BRWD1: variants seen among roughly 807,000 people sequenced by gnomAD.
BRWD1 encodes bromodomain and WD repeat-containing protein 1.
A neutral mutation model predicts 251.2 loss-of-function variants in BRWD1; 82 were observed. That is an observed-to-expected ratio of 0.33 (90% CI 0.27 to 0.39). BRWD1 has a LOEUF of 0.39. BRWD1 is among the 10% of genes least tolerant of loss of function. The pLI is 1.00. For missense variants in BRWD1, 2,233 were observed against 2,711.6 expected, an observed-to-expected ratio of 0.82 and a Z score of 3.92; for synonymous variants, 918 against 902.8, an observed-to-expected ratio of 1.02 and a Z score of -0.30.
Position 39,215,223 on chromosome 21 carries a change from A to G in BRWD1, c.3785+14T>C. On this transcript the variant is annotated intron_variant, in intron 32 of 40. Coordinates refer to ENST00000342449, the MANE Select transcript of BRWD1 (RefSeq NM_033656.4). ...ATGCAGTCACTTTTACACAACATCT[A>G]TGAAATTACTTACTTGATAAATTTT... The G allele has an allele frequency of 6.2e-7, 1 of 1,608,874 alleles. No individual in the cohort carries two copies. The highest frequency in any genetic ancestry group is 8.5e-7 in the Non-Finnish European group (1 of 1,175,682).
chr21:39,304,928 G>C (rs1388849016), intron 4 of BRWD1, among the ~76,000 whole-genome samples: 3 of 147,826 alleles, frequency 2.0e-5, no homozygotes, highest in Non-Finnish European at 1.5e-5. Context: ...AGGACAAAAA[G>C]AGCAACAAAT....
rs773600796 is a variant in BRWD1, at chr21:39,213,505, A to G, written c.3834T>C (p.Asn1278=). 1.9e-6 allele frequency: 3 copies of G among 1,611,894 alleles called. No individual in the cohort carries two copies. The highest frequency in any genetic ancestry group is 2.2e-5 in the South Asian group (2 of 90,504). Reference sequence around the variant, plus strand: ...CCAAATCCTCAGCATTTTGCTCATCATTTTCAGATGTGTTAGAAAGTTCTG... The same window carrying G: ...CCAAATCCTCAGCATTTTGCTCATCGTTTTCAGATGTGTTAGAAAGTTCTG... ...NISELSNTSE[N]DEQNAEDLDD... The change falls in exon 33 of 41, where the codon AAT becomes AAC. Residue 1278 remains asparagine (N), a synonymous_variant. Coordinates refer to ENST00000342449, the MANE Select transcript of BRWD1 (RefSeq NM_033656.4).
intron 15 of BRWD1, among the ~76,000 whole-genome samples, chr21:39,268,940 A>G (rs951820589): frequency 1.3e-5 from 2 of 152,102 alleles, no homozygotes; most frequent in Non-Finnish European, 1.5e-5. Flanking sequence ...GTGAGTTGAG[A>G]TTGCGCCACT....
chr21:39,189,341 T>A lies in BRWD1; in HGVS notation c.*6918A>T. 2 of 985,236 alleles carry A rather than the reference T, an allele frequency of 2.0e-6. No individual in the cohort carries two copies. Among genetic ancestry groups the A allele is most frequent in the Non-Finnish European group, 2.4e-6 (2 of 829,760 alleles). 61.0% of individuals were successfully genotyped at this position (985,236 alleles called of 1,614,324 possible). A position where few individuals can be genotyped will look rare whatever the true frequency, so the allele number is the denominator to read the frequency against. On this transcript the variant is annotated 3_prime_UTR_variant, in exon 41 of 41. Transcript: ENST00000342449. ...TCAACTACAATTTGTAACAAAATGC[T>A]TTAAGTTGCAGAAATTCCATTTTGA...
At chr21:39,296,038 T>A in intron 6 of BRWD1, 135 bp from the exon 7 acceptor site, 1 of 747,334 alleles carries the variant, frequency 1.3e-6, no homozygotes. Flanking sequence ...TTCTTCCCAA[T>A]TCTATTCTTC....
chr21:39,200,192 C>T, intron 39 of BRWD1, 27 bp downstream of exon 39: 1 of 1,575,152 alleles, frequency 6.3e-7, no homozygotes, highest in Non-Finnish European at 8.6e-7. Context: ...GATATACATT[C>T]CATAAAAGTA....
intron 4 of BRWD1, among the ~76,000 whole-genome samples, chr21:39,309,614 G>A (rs1284415079): frequency 6.6e-6 from 1 of 151,478 alleles, no homozygotes; most frequent in African/African-American, 2.4e-5. Flanking sequence ...CATGAGGTCA[G>A]GAGATCGAGA....
Position 39,196,292 on chromosome 21 carries a change from T to C in BRWD1, c.6777A>G (p.Glu2259=). Residue 2259 remains glutamate, a synonymous_variant, in exon 41 of 41, where the codon GAA becomes GAG. Coordinates refer to ENST00000342449, the MANE Select transcript of BRWD1 (RefSeq NM_033656.4). ...YHDGDDDRSL[E]NVLDFNGCTL Reference sequence around the variant, plus strand: ...TGCAACCATTGAAATCTAACACATTTTCTAAACTTCTGTCATCATCCCCAT... The same window carrying C: ...TGCAACCATTGAAATCTAACACATTCTCTAAACTTCTGTCATCATCCCCAT... The C allele has an allele frequency of 6.2e-7, 1 of 1,607,758 alleles. No homozygotes were observed. The highest frequency in any genetic ancestry group is 8.5e-7 in the Non-Finnish European group (1 of 1,177,162).
chr21:39,304,470 C>T (rs779292289), intron 4 of BRWD1, among the ~76,000 whole-genome samples: 1 of 151,738 alleles, frequency 6.6e-6, no homozygotes, highest in Non-Finnish European at 1.5e-5. Context: ...TTTAATTAGC[C>T]GGCCATGATG....
At position 39,189,764 on chromosome 21, in the gene BRWD1, A is replaced by C. The variant is rs2031448146; in HGVS notation, c.*6495T>G. 1 of 983,712 alleles carries C rather than the reference A, an allele frequency of 1.0e-6. No individual in the cohort carries two copies. The highest frequency in any genetic ancestry group is 1.2e-6 in the Non-Finnish European group (1 of 828,386). 60.9% of individuals were successfully genotyped at this position (983,712 alleles called of 1,614,324 possible). A position where few individuals can be genotyped will look rare whatever the true frequency, so the allele number is the denominator to read the frequency against. Reference sequence around the variant, plus strand: ...TAAAGTGCTTTTTCTCAAGAAAACTACAAACAGTTTTAGAAATATATATAG... The same window carrying C: ...TAAAGTGCTTTTTCTCAAGAAAACTCCAAACAGTTTTAGAAATATATATAG... On this transcript the variant is annotated 3_prime_UTR_variant, in exon 41 of 41. Transcript: ENST00000342449.
chr21:39,198,627 A>C (rs1568855322), intron 40 of BRWD1, 136 bp downstream of exon 40: 1 of 669,112 alleles, frequency 1.5e-6, no homozygotes, highest in Non-Finnish European at 2.5e-6. Flanking sequence ...GCTAACACAG[A>C]ATGCATGGGA....
At chr21:39,268,998 G>GAA (rs1284152536) in intron 15 of BRWD1, among the ~76,000 whole-genome samples, 3 of 151,218 alleles carry the variant, frequency 2.0e-5, no homozygotes, top group Non-Finnish European at 4.4e-5. Context: ...AAAAAGAAAA[G>GAA]AAAAAGAAAA....
At chr21:39,320,451 C>G (rs146905435) in intron 1 of BRWD1, among the ~76,000 whole-genome samples, 96 of 152,280 alleles carry the variant, frequency 6.3e-4, no homozygotes, top group African/African-American at 2.3e-3. Context: ...CCTCCCACCT[C>G]TGCCTCCCAG....
rs2031835518 is a variant in BRWD1, at chr21:39,196,702, C to T, written c.6367G>A (p.Glu2123Lys). 3.1e-6 allele frequency: 5 copies of T among 1,613,904 alleles called. No individual in the cohort carries two copies. The highest frequency in any genetic ancestry group is 4.5e-5 in the East Asian group (2 of 44,878). ...KVIHDSQETAEKEVKRKRSHP... is the reference protein window; with the variant it reads ...KVIHDSQETAKKEVKRKRSHP... ...GATCTCTTCCTTTTTACTTCCTTCT[C>T]TGCTGTTTCCTGTGAATCATGAATC... Residue 2123 changes from glutamate (E) to lysine (K), a missense_variant, in exon 41 of 41, where the codon GAG (glutamate) becomes AAG (lysine). Around this residue, in one of 12 missense-constraint regions of BRWD1, gnomAD observed 928 missense variants for 970.0 expected, o/e 0.96. Transcript: ENST00000342449.
intron 20 of BRWD1, among the ~76,000 whole-genome samples, chr21:39,249,913 GGGGTGTGTGTGTGTGTGTGTGT>G (rs2034334131): frequency 6.8e-5 from 9 of 132,452 alleles, no homozygotes; most frequent in Non-Finnish European, 1.3e-4. Flanking sequence ...AAAAAGAAGG[GGGGTGTGTGTGTGTGTGTGTGT>G]GTGTGTGTGT....
chr21:39,285,254 C>T (rs764356960), intron 8 of BRWD1, among the ~76,000 whole-genome samples: 1 of 151,988 alleles, frequency 6.6e-6, no homozygotes, highest in East Asian at 1.9e-4. Flanking sequence ...GTAATTTCAC[C>T]CTTGAATTTT....
At chr21:39,313,749 G>T (rs2036613742), upstream of BRWD1, 2 of 391,170 alleles carry the variant, frequency 5.1e-6, no homozygotes, top group Admixed American at 5.0e-5. Context: ...CCCGCCCGGG[G>T]AGGCGAACCT....
rs2032045510 is a variant in BRWD1 at position 39,200,310 on chromosome 21, A to T, written c.4662T>A (p.Ser1554Arg). 6.2e-7 allele frequency: 1 copy of T among 1,614,072 alleles called. No homozygotes were observed. Among genetic ancestry groups the T allele is most frequent in the Admixed American group, 1.7e-5 (1 of 60,020 alleles). Residue 1554 changes from serine to arginine, a missense_variant, in exon 39 of 41, where the codon AGT (serine) becomes AGA (arginine). This residue lies in a region of BRWD1 where 928 missense variants were observed against 970.0 expected (regional missense o/e 0.96). Coordinates refer to ENST00000342449, the MANE Select transcript of BRWD1 (RefSeq NM_033656.4). The part of the protein sequence containing the change: ...ASSSSEESKE[S>R]SRARESSSRS... ...GTGAGGAGGATTCACGAGCTCTGGA[A>T]CTCTCTTTGCTTTCCTCAGAACTAC... is the stretch of plus-strand genomic sequence containing the variant.
At position 39,195,004 on chromosome 21, in the gene BRWD1, C is replaced by T; in HGVS notation, c.*1255G>A. 1 of 1,423,488 alleles carries T rather than the reference C, an allele frequency of 7.0e-7. No individual in the cohort carries two copies. The highest frequency in any genetic ancestry group is 1.5e-5 in the South Asian group (1 of 65,886). 88.2% of individuals were successfully genotyped at this position (1,423,488 alleles called of 1,614,324 possible). On this transcript the variant is annotated 3_prime_UTR_variant, in exon 41 of 41. Coordinates refer to ENST00000342449, the MANE Select transcript of BRWD1 (RefSeq NM_033656.4). ...AACAAGTTAGGAATGGCCATCTACA[C>T]TGGAGTAGCATAACCTATCAAGTAT...
Sources: allele counts gnomAD v4.1 joint callset (sites outside exome capture counted in the v4.1 genomes callset), GRCh38; gene constraint gnomAD v4.1.1; regional missense constraint gnomAD v4.1.1; transcripts MANE v1.5; gene names NCBI Gene and HGNC (gene_info 2026-07-23, HGNC 2026-07-21).